Variants in FHIT observed in about 807,000 individuals in gnomAD.
FHIT encodes the protein fragile histidine triad diadenosine triphosphatase, also known as bis(5'-adenosyl)-triphosphatase.
FHIT carries 19 observed loss-of-function variants against 17.9 expected under a neutral mutation model. That is an observed-to-expected ratio of 1.06 (90% CI 0.74 to 1.56). FHIT has a LOEUF of 1.56. FHIT is among the 40% of genes most tolerant of loss of function. FHIT has a pLI of 0.00. For synonymous variants in FHIT, 81 were observed against 69.7 expected (o/e 1.16, Z -0.81); for missense variants, 248 against 189.2 (o/e 1.31, Z -1.82).
chr3:60,773,254 T>C (rs1404162795), intron 4 of FHIT, among the ~76,000 whole-genome samples: 1 of 152,146 alleles, frequency 6.6e-6, no homozygotes, highest in Non-Finnish European at 1.5e-5. Flanking sequence ...CAAAGACACA[T>C]CGAAACAGTT....
intron 5 of FHIT, among the ~76,000 whole-genome samples, chr3:60,097,142 G>A (rs1703986100): frequency 6.6e-6 from 1 of 151,794 alleles, no homozygotes; most frequent in African/African-American, 2.4e-5. Flanking sequence ...GACACCCATT[G>A]GCCAGCACCC....
chr3:60,742,994 T>A (rs1200848278), intron 4 of FHIT, among the ~76,000 whole-genome samples: 1 of 152,232 alleles, frequency 6.6e-6, no homozygotes, highest in Non-Finnish European at 1.5e-5. Context: ...ACACCCAGGC[T>A]TGGTTCTCCC....
Position 60,859,723 on chromosome 3 carries a change from A to ATTTTTTTTTTTTTTTTTTT in FHIT, c.-110-37731_-110-37713dup, listed in dbSNP as rs71092647. ...ACATTTGCAGTGGATTCTGAATACG[A>ATTTTTTTTTTTTTTTTTTT]TTTTTTTTTTTTTTTTTTTTTTTTT... On this transcript the variant is annotated intron_variant, in intron 3 of 9. Coordinates refer to ENST00000492590, the MANE Select transcript of FHIT (RefSeq NM_002012.4). Among the ~76,000 whole-genome samples the ATTTTTTTTTTTTTTTTTTT allele has an allele frequency of 3.3e-4, 17 of 51,924 alleles. 2 individuals carry two copies. Among genetic ancestry groups the ATTTTTTTTTTTTTTTTTTT allele is most frequent in the Non-Finnish European group, 3.4e-4 (10 of 29,368 alleles). The allele number at this position is 51,924 out of a possible 152,430, so 34.1% of individuals were successfully genotyped here. A position where few individuals can be genotyped will look rare whatever the true frequency, so the allele number is the denominator to read the frequency against.
At chr3:59,871,213 C>T (rs915763011) in intron 8 of FHIT, among the ~76,000 whole-genome samples, 6 of 152,148 alleles carry the variant, frequency 3.9e-5, no homozygotes, top group African/African-American at 1.4e-4. Context: ...GAAGTGTGTA[C>T]TCTGCTGAGG....
At chr3:60,638,525 A>C (rs544054766) in intron 4 of FHIT, among the ~76,000 whole-genome samples, 1 of 152,258 alleles carries the variant, frequency 6.6e-6, no homozygotes, top group South Asian at 2.1e-4. Flanking sequence ...GAACTCTTAA[A>C]AATCTTAATG....
At chr3:60,817,538 TC>T (rs1701783501) in intron 4 of FHIT, among the ~76,000 whole-genome samples, 1 of 151,974 alleles carries the variant, frequency 6.6e-6, no homozygotes, top group African/African-American at 2.4e-5. Context: ...TTTTTACCCC[TC>T]GTTTGTACTT....
intron 4 of FHIT, among the ~76,000 whole-genome samples, chr3:60,767,053 C>G (rs376630442): frequency 6.6e-6 from 1 of 152,204 alleles, no homozygotes; most frequent in Non-Finnish European, 1.5e-5. Flanking sequence ...ACATTTAACT[C>G]ATCGCTGACC....
intron 5 of FHIT, among the ~76,000 whole-genome samples, chr3:60,496,643 T>G (rs1364250151): frequency 6.6e-6 from 1 of 152,178 alleles, no homozygotes; most frequent in Admixed American, 6.5e-5. Context: ...AGGTAAATAT[T>G]CTACAGAGAG....
rs1700958749 is a variant in FHIT at position 60,030,581 on chromosome 3, T to C, written c.104-16429A>G. Among the ~76,000 whole-genome samples the C allele has an allele frequency of 5.9e-5, 9 of 152,228 alleles. No homozygotes were observed. The South Asian group carries it at 1.9e-3, about 32-fold the overall frequency. On this transcript the variant is annotated intron_variant, in intron 5 of 9. Coordinates refer to ENST00000492590, the MANE Select transcript of FHIT (RefSeq NM_002012.4). The stretch of plus-strand genomic sequence containing the variant: ...ATCTTGAAATTTTAGTACTCATTTA[T>C]GATTACTTGTTTTCTATTGAGAATG...
At chr3:60,862,098 T>C (rs1002227131) in intron 3 of FHIT, among the ~76,000 whole-genome samples, 5 of 152,142 alleles carry the variant, frequency 3.3e-5, no homozygotes, top group Non-Finnish European at 7.4e-5. Context: ...GGGCTGAATA[T>C]AACTTGGTAA....
chr3:60,847,459 G>C (rs1464357446), intron 3 of FHIT, among the ~76,000 whole-genome samples: 1 of 152,076 alleles, frequency 6.6e-6, no homozygotes, highest in East Asian at 1.9e-4. Flanking sequence ...TTGGACCCCT[G>C]ACTGGGGCTA....
chr3:60,857,402 C>T (rs1194598036), intron 3 of FHIT, among the ~76,000 whole-genome samples: 1 of 152,122 alleles, frequency 6.6e-6, no homozygotes, highest in African/African-American at 2.4e-5. Context: ...GACAGCCCAG[C>T]TTCACTACTT....
rs535582930 is a variant in FHIT, at chr3:60,021,503, A to G, written c.104-7351T>C. On this transcript the variant is annotated intron_variant, in intron 5 of 9. Coordinates refer to ENST00000492590, the MANE Select transcript of FHIT (RefSeq NM_002012.4). ...TTATACTGATTGAGGGAAGAGCATC[A>G]TATCTGGAAAAAAATATGCTCATAT... Among the ~76,000 whole-genome samples the G allele has an allele frequency of 5.3e-5, 8 of 152,350 alleles. No individual in the cohort carries two copies. In the South Asian group the frequency reaches 1.2e-3, roughly 24 times the overall value.
intron 3 of FHIT, among the ~76,000 whole-genome samples, chr3:61,004,832 C>A (rs927914921): frequency 6.6e-6 from 1 of 152,172 alleles, no homozygotes. Flanking sequence ...CCGCAGAGAA[C>A]TGCTGTGAAA....
At chr3:60,336,016 T>C (rs1294520169) in intron 5 of FHIT, among the ~76,000 whole-genome samples, 1 of 152,226 alleles carries the variant, frequency 6.6e-6, no homozygotes, top group African/African-American at 2.4e-5. Flanking sequence ...ATAATGATTA[T>C]TTTTCAGATA....
intron 5 of FHIT, among the ~76,000 whole-genome samples, chr3:60,446,332 A>G (rs1341083370): frequency 6.6e-6 from 1 of 152,088 alleles, no homozygotes; most frequent in Non-Finnish European, 1.5e-5. Flanking sequence ...GCATGATGGT[A>G]TCTCCCACCA....
intron 5 of FHIT, among the ~76,000 whole-genome samples, chr3:60,497,756 C>G (rs991442881): frequency 5.3e-5 from 8 of 152,184 alleles, no homozygotes; most frequent in Admixed American, 1.3e-4. Context: ...CCAGGCAATT[C>G]TCTGAAGAAG....
chr3:60,189,125 G>A (rs916033755), intron 5 of FHIT, among the ~76,000 whole-genome samples: 2 of 151,872 alleles, frequency 1.3e-5, no homozygotes, highest in African/African-American at 4.8e-5. Context: ...TCAATTACAG[G>A]CTTCTGTCTG....
intron 2 of FHIT, among the ~76,000 whole-genome samples, chr3:61,148,733 G>A (rs1380420016): frequency 3.3e-5 from 5 of 152,012 alleles, no homozygotes; most frequent in Non-Finnish European, 7.4e-5. Context: ...GAAAATATAC[G>A]ACATACAGTT....
Sources: allele counts gnomAD v4.1 joint callset (sites outside exome capture counted in the v4.1 genomes callset), GRCh38; gene constraint gnomAD v4.1.1; transcripts MANE v1.5; gene names NCBI Gene and HGNC (gene_info 2026-07-23, HGNC 2026-07-21).